Variants in POU2F1 observed in about 807,000 individuals in gnomAD.
The protein encoded by POU2F1 is POU class 2 homeobox 1.
Under a neutral mutation model 84.9 loss-of-function variants are expected in POU2F1, and 16 were observed. That is an observed-to-expected ratio of 0.19 (90% confidence interval 0.13 to 0.29). The LOEUF (loss-of-function observed/expected upper bound fraction) is 0.29. Among genes scored for constraint, POU2F1 ranks in the 10% least tolerant of loss-of-function variants. The pLI, the probability that POU2F1 is intolerant of heterozygous loss-of-function variation, is 1.00. For synonymous variants in POU2F1, 368 were observed against 368.3 expected, an observed-to-expected ratio of 1.00 and a Z score of 0.01; for missense variants, 738 against 942.6, an observed-to-expected ratio of 0.78 and a Z score of 2.84.
intron 1 of POU2F1, among the ~76,000 whole-genome samples, chr1:167,232,774 T>C (rs1649160138): frequency 6.7e-6 from 1 of 150,300 alleles, no homozygotes; most frequent in African/African-American, 2.5e-5. Flanking sequence ...ACCCGTGAAG[T>C]GGAGGTTGCA....
chr1:167,279,238 A>T (rs1652950308), intron 1 of POU2F1, among the ~76,000 whole-genome samples: 1 of 152,268 alleles, frequency 6.6e-6, no homozygotes, highest in Non-Finnish European at 1.5e-5. Context: ...TTTAATTAAC[A>T]TGGATAAAGA....
chr1:167,417,860 C>T lies in POU2F1; in HGVS notation c.*2050C>T, dbSNP rs1650410266. The T allele has an allele frequency of 6.6e-6, 1 of 152,190 alleles. No homozygotes were observed. Among genetic ancestry groups the T allele is most frequent in the African/African-American group, 2.4e-5 (1 of 41,450 alleles). 9.4% of individuals were successfully genotyped at this position (152,190 alleles called of 1,614,324 possible). A position where few individuals can be genotyped will look rare whatever the true frequency, so the allele number is the denominator to read the frequency against. ...AGTGGGAGACAGTCTGTTAAAAGGT[C>T]AGAAACATTTTAGTCCCCTTTAAAA... On this transcript the variant is annotated 3_prime_UTR_variant, in exon 16 of 16. Coordinates refer to ENST00000367866, the MANE Select transcript of POU2F1 (RefSeq NM_002697.4).
At chr1:167,228,258 A>G (rs1279129728) in intron 1 of POU2F1, among the ~76,000 whole-genome samples, 1 of 152,202 alleles carries the variant, frequency 6.6e-6, no homozygotes, top group Non-Finnish European at 1.5e-5. Context: ...CTGATGTGAT[A>G]AAAATGGTGT....
At chr1:167,409,205 A>G (rs981540227) in intron 13 of POU2F1, among the ~76,000 whole-genome samples, 9 of 152,172 alleles carry the variant, frequency 5.9e-5, no homozygotes, top group African/African-American at 1.9e-4. Context: ...GTTAATTTTT[A>G]TGCACAGTGT....
chr1:167,411,490 T>C (rs967764638), intron 13 of POU2F1, among the ~76,000 whole-genome samples: 12 of 152,174 alleles, frequency 7.9e-5, no homozygotes, highest in Non-Finnish European at 1.6e-4. Context: ...CATGTAGTCA[T>C]TTTTATACTA....
At chr1:167,377,319 G>A (rs1376101880) in intron 7 of POU2F1, among the ~76,000 whole-genome samples, 1 of 152,162 alleles carries the variant, frequency 6.6e-6, no homozygotes, top group African/African-American at 2.4e-5. Flanking sequence ...AGGCGTGGTG[G>A]CTGACGCCTG....
At chr1:167,318,676 AG>A (rs1656093958) in intron 1 of POU2F1, among the ~76,000 whole-genome samples, 1 of 152,158 alleles carries the variant, frequency 6.6e-6, no homozygotes, top group South Asian at 2.1e-4. Context: ...ATTGATAGCG[AG>A]GGGGTAGGCA....
chr1:167,280,404 C>G (rs1571220407), intron 1 of POU2F1, among the ~76,000 whole-genome samples: 1 of 138,586 alleles, frequency 7.2e-6, no homozygotes, highest in Non-Finnish European at 1.6e-5. Flanking sequence ...CTAGTCTATT[C>G]ATTTGGAGAA....
intron 13 of POU2F1, among the ~76,000 whole-genome samples, chr1:167,408,224 C>A (rs1049898758): frequency 6.6e-6 from 1 of 151,914 alleles, no homozygotes; most frequent in Non-Finnish European, 1.5e-5. Context: ...TCAAAAAGAC[C>A]CAAGATGATA....
chr1:167,410,683 T>G (rs1442584264), intron 13 of POU2F1, among the ~76,000 whole-genome samples: 1 of 151,756 alleles, frequency 6.6e-6, no homozygotes, highest in African/African-American at 2.4e-5. Context: ...GCCTGGCTAA[T>G]TTTTGTATTT....
intron 1 of POU2F1, among the ~76,000 whole-genome samples, chr1:167,240,522 TC>T (rs1291977073): frequency 9.2e-5 from 14 of 152,208 alleles, no homozygotes; most frequent in African/African-American, 3.4e-4. Context: ...GAGAAGGGAT[TC>T]CTGCTGTTCC....
At chr1:167,364,029 G>A (rs1367597595) in intron 2 of POU2F1, among the ~76,000 whole-genome samples, 1 of 152,184 alleles carries the variant, frequency 6.6e-6, no homozygotes, top group Non-Finnish European at 1.5e-5. Context: ...AAATGGAAGT[G>A]TAGAACCATA....
Position 167,423,892 on chromosome 1 carries a change from G to A in POU2F1, c.*8082G>A, listed in dbSNP as rs1392154150. The A allele has an allele frequency of 1.3e-5, 2 of 152,228 alleles. No individual in the cohort carries two copies. Among genetic ancestry groups the A allele is most frequent in the Non-Finnish European group, 2.9e-5 (2 of 68,046 alleles). 9.4% of individuals were successfully genotyped at this position (152,228 alleles called of 1,614,324 possible). A position where few individuals can be genotyped will look rare whatever the true frequency, so the allele number is the denominator to read the frequency against. Reference sequence around the variant, plus strand: ...CAGGCAGACAGCTGGATACAGCGCTGTGTATAAATGAGACGTCCAAACACT... The same window carrying A: ...CAGGCAGACAGCTGGATACAGCGCTATGTATAAATGAGACGTCCAAACACT... On this transcript the variant is annotated 3_prime_UTR_variant, in exon 16 of 16. Coordinates refer to ENST00000367866, the MANE Select transcript of POU2F1 (RefSeq NM_002697.4).
rs992901939 is a variant in POU2F1 at position 167,221,681 on chromosome 1, C to T, written c.61+723C>T. Among the ~76,000 whole-genome samples the T allele has an allele frequency of 7.7e-4, 117 of 151,188 alleles. 1 individual carries two copies. The highest frequency in any genetic ancestry group is 1.4e-3 in the Non-Finnish European group (93 of 67,608). ...GGGGTCACGGCCCCAGGCACTTCGG[C>T]CTCGCCCCACTGGTCCCCAATGTGG... On this transcript the variant is annotated intron_variant, in intron 1 of 15. Coordinates refer to ENST00000367866, the MANE Select transcript of POU2F1 (RefSeq NM_002697.4).
At chr1:167,399,080 G>A in intron 11 of POU2F1, 106 bp from the exon 12 acceptor site, 1 of 1,113,084 alleles carries the variant, frequency 9.0e-7, no homozygotes, top group South Asian at 1.8e-5. Flanking sequence ...AATGTGGATG[G>A]TCATATGTAT....
At chr1:167,385,680 G>A (rs574421614) in intron 8 of POU2F1, among the ~76,000 whole-genome samples, 4 of 152,240 alleles carry the variant, frequency 2.6e-5, no homozygotes, top group African/African-American at 9.6e-5. Context: ...CCTAAACTTA[G>A]AGAAAAAAGC....
intron 1 of POU2F1, among the ~76,000 whole-genome samples, chr1:167,282,159 T>C (rs890814773): frequency 6.6e-6 from 1 of 151,930 alleles, no homozygotes; most frequent in Admixed American, 6.6e-5. Context: ...TTTTTTTTTT[T>C]CTGAGACGAG....
intron 1 of POU2F1, among the ~76,000 whole-genome samples, chr1:167,293,567 A>G (rs1194394971): frequency 6.6e-6 from 1 of 152,228 alleles, no homozygotes; most frequent in African/African-American, 2.4e-5. Flanking sequence ...GTCCCTATCA[A>G]AATACCAACA....
chr1:167,400,513 A>T (rs1306058339), intron 12 of POU2F1, among the ~76,000 whole-genome samples: 1 of 152,184 alleles, frequency 6.6e-6, no homozygotes, highest in Non-Finnish European at 1.5e-5. Flanking sequence ...ACAATAAGTT[A>T]CCAGATAACC....
Sources: allele counts gnomAD v4.1 joint callset (sites outside exome capture counted in the v4.1 genomes callset), GRCh38; gene constraint gnomAD v4.1.1; transcripts MANE v1.5; gene names NCBI Gene and HGNC (gene_info 2026-07-23, HGNC 2026-07-21).